BAZ1A: variants seen among roughly 807,000 people sequenced by gnomAD.
BAZ1A encodes the protein bromodomain adjacent to zinc finger domain 1A.
Under a neutral mutation model 185.2 loss-of-function variants are expected in BAZ1A, and 50 were observed. That is an observed-to-expected ratio of 0.27 (90% CI 0.22 to 0.34). BAZ1A has a LOEUF of 0.34. Among genes scored for constraint, BAZ1A ranks in the 10% least tolerant of loss-of-function variants. The pLI, the probability that BAZ1A is intolerant of heterozygous loss-of-function variation, is 1.00. For missense variants in BAZ1A, 1,356 were observed against 1,839.9 expected, an observed-to-expected ratio of 0.74 and a Z score of 4.81; for synonymous variants, 571 against 615.6, an observed-to-expected ratio of 0.93 and a Z score of 1.07.
chr14:34,827,425 T>A (rs1245003945), intron 3 of BAZ1A, among the ~76,000 whole-genome samples: 1 of 152,198 alleles, frequency 6.6e-6, no homozygotes, highest in South Asian at 2.1e-4. Context: ...GTTATATTCC[T>A]AACTAAAGTT....
intron 14 of BAZ1A, among the ~76,000 whole-genome samples, chr14:34,785,045 G>C (rs569077817): frequency 2.0e-5 from 3 of 151,966 alleles, no homozygotes; most frequent in African/African-American, 7.3e-5. Flanking sequence ...TAGTAAAGAT[G>C]GTGTTTCACC....
intron 4 of BAZ1A, among the ~76,000 whole-genome samples, chr14:34,824,300 G>C (rs1049163983): frequency 3.1e-5 from 4 of 129,564 alleles, no homozygotes; most frequent in African/African-American, 1.2e-4. Context: ...CCTAAGCCCA[G>C]AAGTTTGAAG....
intron 9 of BAZ1A, among the ~76,000 whole-genome samples, chr14:34,796,988 A>T (rs1881232874): frequency 6.6e-6 from 1 of 152,206 alleles, no homozygotes; most frequent in South Asian, 2.1e-4. Context: ...AATATTCTTA[A>T]TCTTTGATTT....
intron 14 of BAZ1A, among the ~76,000 whole-genome samples, chr14:34,785,049 T>G (rs4981249): frequency 0.15 from 22,993 of 152,016 alleles, 1,983 homozygotes; most frequent in Admixed American, 0.27. Context: ...AAAGATGGTG[T>G]TTCACCATGT....
chr14:34,873,085 A>T (rs960774600), intron 2 of BAZ1A, among the ~76,000 whole-genome samples: 1 of 152,160 alleles, frequency 6.6e-6, no homozygotes, highest in Non-Finnish European at 1.5e-5. Context: ...ACTTCTCTGG[A>T]TATAACATGT....
At chr14:34,768,725 T>A (rs1427037804) in intron 21 of BAZ1A, 2 of 431,698 alleles carry the variant, frequency 4.6e-6, no homozygotes, top group Non-Finnish European at 9.1e-6. Flanking sequence ...CTCTCTCTTT[T>A]TCTTGTCCTT....
Position 34,786,364 on chromosome 14 carries a change from T to G in BAZ1A, c.1511-143A>C, listed in dbSNP as rs1880438474. 5 of 666,304 alleles carry G rather than the reference T, an allele frequency of 7.5e-6. No homozygotes were observed. The Admixed American group carries it at 9.8e-5, about 13-fold the overall frequency. The allele number at this position is 666,304 out of a possible 1,614,324, so 41.3% of individuals were successfully genotyped here. A position where few individuals can be genotyped will look rare whatever the true frequency, so the allele number is the denominator to read the frequency against. On this transcript the variant is annotated intron_variant, in intron 12 of 26. Transcript: ENST00000360310. ...AACAAACACTAGGTACAAGCAATATTCACATTCTGCTTCATCACCACCTAC... is the reference window on the plus strand; with the variant it reads ...AACAAACACTAGGTACAAGCAATATGCACATTCTGCTTCATCACCACCTAC...
chr14:34,789,769 T>A (rs1054476560), intron 12 of BAZ1A, among the ~76,000 whole-genome samples: 1 of 152,164 alleles, frequency 6.6e-6, no homozygotes, highest in Non-Finnish European at 1.5e-5. Flanking sequence ...CCAAAGAAAT[T>A]AGATCTTCTC....
intron 21 of BAZ1A, among the ~76,000 whole-genome samples, chr14:34,769,462 C>T (rs951062920): frequency 1.3e-5 from 2 of 152,174 alleles, no homozygotes; most frequent in African/African-American, 4.8e-5. Flanking sequence ...TTGAAAACCA[C>T]TGTATACAAA....
At chr14:34,862,470 G>C (rs773548997) in intron 2 of BAZ1A, 148 bp from the exon 3 acceptor site, 3 of 751,870 alleles carry the variant, frequency 4.0e-6, no homozygotes, top group Non-Finnish European at 6.1e-6. Flanking sequence ...TTTGGTAACT[G>C]GTCAACTTAT....
chr14:34,794,936 A>T, intron 10 of BAZ1A, 49 bp from the exon 11 acceptor site: 2 of 1,591,612 alleles, frequency 1.3e-6, no homozygotes, highest in Non-Finnish European at 1.7e-6. Flanking sequence ...GAGCAGGAAA[A>T]CTTAAAAGGC....
intron 12 of BAZ1A, among the ~76,000 whole-genome samples, chr14:34,788,242 T>C (rs977271514): frequency 2.6e-5 from 4 of 152,158 alleles, no homozygotes; most frequent in African/African-American, 9.7e-5. Context: ...GACCTTGTGA[T>C]CCACCCACCT....
chr14:34,841,486 G>C (rs1347458307), intron 3 of BAZ1A, among the ~76,000 whole-genome samples: 1 of 152,020 alleles, frequency 6.6e-6, no homozygotes, highest in Non-Finnish European at 1.5e-5. Flanking sequence ...CCGCCTCCTG[G>C]GTTCAAGCGA....
chr14:34,870,727 C>T (rs1313698544), intron 2 of BAZ1A, among the ~76,000 whole-genome samples: 1 of 152,148 alleles, frequency 6.6e-6, no homozygotes, highest in Non-Finnish European at 1.5e-5. Flanking sequence ...GTAAAAAGAG[C>T]ATAAATGCTA....
intron 3 of BAZ1A, among the ~76,000 whole-genome samples, chr14:34,830,512 C>T (rs1398746602): frequency 2.5e-5 from 3 of 122,034 alleles, no homozygotes; most frequent in Admixed American, 8.0e-5. Flanking sequence ...AGAAACTTGG[C>T]GGCGGGGGAT....
intron 12 of BAZ1A, among the ~76,000 whole-genome samples, chr14:34,791,516 C>T (rs141421866): frequency 4.6e-5 from 7 of 152,252 alleles, no homozygotes; most frequent in African/African-American, 1.7e-4. Flanking sequence ...TGCTTGAACT[C>T]AGGCTGTAAA....
intron 3 of BAZ1A, among the ~76,000 whole-genome samples, chr14:34,827,142 T>C (rs1049320219): frequency 1.3e-5 from 2 of 152,006 alleles, no homozygotes; most frequent in African/African-American, 2.4e-5. Context: ...TGGAAAACTC[T>C]GTCTAATACA....
chr14:34,859,741 A>G (rs2042738787), intron 3 of BAZ1A, among the ~76,000 whole-genome samples: 2 of 152,108 alleles, frequency 1.3e-5, no homozygotes, highest in Admixed American at 6.6e-5. Context: ...CTCCCTTGTC[A>G]ATGGTGCTCA....
intron 19 of BAZ1A, 26 bp downstream of exon 19, chr14:34,774,301 A>G (rs757576647): frequency 1.3e-6 from 2 of 1,587,882 alleles, no homozygotes; most frequent in Non-Finnish European, 1.7e-6. Context: ...AGATTAGACA[A>G]ACTAAAAATG....
Sources: gnomAD v4.1 joint callset for allele counts (sites outside exome capture counted in the v4.1 genomes callset) on GRCh38, gnomAD v4.1.1 for gene constraint, MANE v1.5 for transcripts, NCBI Gene and HGNC (gene_info 2026-07-23, HGNC 2026-07-21) for gene names.